Variants in MAMDC2 observed in about 807,000 individuals in gnomAD.
MAMDC2 encodes the protein MAM domain-containing protein 2.
In MAMDC2, 57 loss-of-function variants were observed where a neutral mutation model predicts 89.8. The ratio of observed to expected loss-of-function variants is 0.63; its 90% confidence interval spans 0.51 to 0.79. The LOEUF (loss-of-function observed/expected upper bound fraction) is 0.79. Among genes scored for constraint, MAMDC2 ranks in the 30% least tolerant of loss-of-function variants. The probability of loss-of-function intolerance (pLI) is 0.00; values close to 1 mark genes in which losing one functional copy is unlikely to be tolerated. For synonymous variants in MAMDC2, 313 were observed against 293.4 expected (o/e 1.07, Z -0.68); for missense variants, 800 against 820.6 (o/e 0.97, Z 0.31).
In MAMDC2 at chr9:70,217,667, A is replaced by G. The variant is rs2033475017; in HGVS notation, c.1652-670A>G. On this transcript the variant is annotated intron_variant, in intron 11 of 13. Coordinates refer to ENST00000377182, the MANE Select transcript of MAMDC2 (RefSeq NM_153267.5). The stretch of plus-strand genomic sequence containing the variant: ...GCTCCCCAAGTTGGTGGAAAACGCT[A>G]AACTGGCAGATTAGATTTTTAAATA... The G allele has an allele frequency of 2.7e-5, 43 of 1,570,548 alleles. No homozygotes were observed. The South Asian group carries it at 4.0e-4, about 15-fold the overall frequency.
intron 8 of MAMDC2, among the ~76,000 whole-genome samples, chr9:70,140,942 A>T (rs1001085164): frequency 1.3e-5 from 2 of 152,156 alleles, no homozygotes; most frequent in African/African-American, 4.8e-5. Context: ...ATTACCTATT[A>T]ATTCAATGAC....
chr9:70,052,042 G>A (rs544471310), intron 2 of MAMDC2, among the ~76,000 whole-genome samples: 4 of 152,258 alleles, frequency 2.6e-5, no homozygotes, highest in African/African-American at 4.8e-5. Context: ...ACTCCAAGAG[G>A]TTCTGATTTA....
chr9:70,057,152 A>G (rs1348767473), intron 2 of MAMDC2, among the ~76,000 whole-genome samples: 2 of 152,222 alleles, frequency 1.3e-5, no homozygotes, highest in East Asian at 1.9e-4. Flanking sequence ...CCCACAAACC[A>G]GTCCCTGGTG....
intron 2 of MAMDC2, among the ~76,000 whole-genome samples, chr9:70,098,839 A>C (rs1037838374): frequency 6.6e-6 from 1 of 152,132 alleles, no homozygotes; most frequent in Non-Finnish European, 1.5e-5. Context: ...CTTATTTGTA[A>C]AGTGGCAATT....
At chr9:70,051,512 G>A (rs1388587238) in intron 2 of MAMDC2, among the ~76,000 whole-genome samples, 1 of 152,192 alleles carries the variant, frequency 6.6e-6, no homozygotes. Flanking sequence ...ATCTTGGGGT[G>A]TAATATTCAT....
intron 9 of MAMDC2, among the ~76,000 whole-genome samples, chr9:70,152,299 C>G (rs577446491): frequency 2.4e-4 from 36 of 152,030 alleles, no homozygotes; most frequent in Middle Eastern, 3.4e-3. Context: ...TTCCCTCAGA[C>G]CATTCTAGCA....
chr9:70,084,111 ATCT>A (rs1312534575), intron 2 of MAMDC2, among the ~76,000 whole-genome samples: 3 of 152,116 alleles, frequency 2.0e-5, no homozygotes, highest in African/African-American at 4.8e-5. Context: ...ATATGTTGGA[ATCT>A]TCTTCTGCTC....
intron 2 of MAMDC2, among the ~76,000 whole-genome samples, chr9:70,107,058 A>G (rs989069733): frequency 6.6e-6 from 1 of 152,134 alleles, no homozygotes; most frequent in Non-Finnish European, 1.5e-5. Flanking sequence ...AGGGTGGTGG[A>G]AGCCACAGGA....
At chr9:70,174,280 C>T (rs2032432855) in intron 11 of MAMDC2, among the ~76,000 whole-genome samples, 2 of 152,130 alleles carry the variant, frequency 1.3e-5, no homozygotes, top group African/African-American at 2.4e-5. Flanking sequence ...ACAAAACAGA[C>T]AAGCATTTAC....
At chr9:70,143,454 G>A (rs2031293722) in intron 8 of MAMDC2, 100 bp from the exon 9 acceptor site, 1 of 1,316,076 alleles carries the variant, frequency 7.6e-7, no homozygotes, top group Non-Finnish European at 1.0e-6. Context: ...AAGCATAGCT[G>A]ATAGTCTTTG....
chr9:70,195,970 A>T (rs1316064856), intron 11 of MAMDC2, among the ~76,000 whole-genome samples: 1 of 152,160 alleles, frequency 6.6e-6, no homozygotes, highest in Non-Finnish European at 1.5e-5. Context: ...TGGATAATTT[A>T]TAAAGGAAAG....
chr9:70,225,931 A>G (rs749923656), intron 13 of MAMDC2, 37 bp from the exon 14 acceptor site: 4 of 1,486,048 alleles, frequency 2.7e-6, no homozygotes, highest in Non-Finnish European at 3.7e-6. Flanking sequence ...TTTCTATAAT[A>G]AAAATACTGT....
chr9:70,224,089 C>G (rs1327052333), intron 12 of MAMDC2, among the ~76,000 whole-genome samples: 1 of 152,020 alleles, frequency 6.6e-6, no homozygotes, highest in African/African-American at 2.4e-5. Flanking sequence ...AACCAAAATG[C>G]TTATTATGTG....
chr9:70,146,477 T>C (rs2031407494), intron 9 of MAMDC2, among the ~76,000 whole-genome samples: 1 of 152,186 alleles, frequency 6.6e-6, no homozygotes, highest in South Asian at 2.1e-4. Context: ...AAAGAACCAT[T>C]TGACATCCAT....
chr9:70,204,141 A>G, intron 11 of MAMDC2, among the ~76,000 whole-genome samples: 1 of 150,050 alleles, frequency 6.7e-6, no homozygotes, highest in Non-Finnish European at 1.5e-5. Context: ...TCTGCGTTTT[A>G]GAGTTTCCAG....
chr9:70,210,221 T>A (rs2033323024), intron 11 of MAMDC2, among the ~76,000 whole-genome samples: 1 of 152,218 alleles, frequency 6.6e-6, no homozygotes, highest in Non-Finnish European at 1.5e-5. Context: ...ATCTGTCTAA[T>A]GTTGACAGTG....
intron 2 of MAMDC2, among the ~76,000 whole-genome samples, chr9:70,100,951 A>T (rs1233046143): frequency 6.6e-6 from 1 of 152,236 alleles, no homozygotes; most frequent in Non-Finnish European, 1.5e-5. Context: ...AGCAATTAAC[A>T]TGACCATTTA....
At chr9:70,130,597 G>A (rs1443630658) in intron 6 of MAMDC2, among the ~76,000 whole-genome samples, 3 of 152,080 alleles carry the variant, frequency 2.0e-5, no homozygotes, top group Non-Finnish European at 4.4e-5. Context: ...AAAACTAAAG[G>A]GGTTGAAGTC....
intron 4 of MAMDC2, among the ~76,000 whole-genome samples, chr9:70,111,063 G>T (rs1828498431): frequency 6.6e-6 from 1 of 152,194 alleles, no homozygotes; most frequent in South Asian, 2.1e-4. Context: ...ATTTTCTGAA[G>T]ATACAGTGAG....
Sources: gnomAD v4.1 joint callset for allele counts (sites outside exome capture counted in the v4.1 genomes callset) on GRCh38, gnomAD v4.1.1 for gene constraint, MANE v1.5 for transcripts, NCBI Gene and HGNC (gene_info 2026-07-23, HGNC 2026-07-21) for gene names.